ZEB1: variants seen among roughly 807,000 people sequenced by gnomAD.
ZEB1 encodes the protein zinc finger E-box-binding homeobox 1.
ZEB1 carries 21 observed loss-of-function variants against 84.9 expected under a neutral mutation model. The ratio of observed to expected loss-of-function variants is 0.25; its 90% confidence interval spans 0.18 to 0.36. ZEB1 has a LOEUF of 0.36. Ranked by LOEUF, ZEB1 falls within the 10% of genes least tolerant of loss-of-function variation. The pLI, the probability that ZEB1 is intolerant of heterozygous loss-of-function variation, is 1.00. For missense variants in ZEB1, 1,104 were observed against 1,330.2 expected (o/e 0.83, Z 2.65); for synonymous variants, 420 against 471.1 (o/e 0.89, Z 1.41).
chr10:31,490,301 T>A (rs753653445), intron 2 of ZEB1, among the ~76,000 whole-genome samples: 1 of 151,606 alleles, frequency 6.6e-6, no homozygotes, highest in African/African-American at 2.4e-5. Flanking sequence ...CTTTTCCTTC[T>A]GGGACTCCAG....
intron 2 of ZEB1, among the ~76,000 whole-genome samples, chr10:31,463,101 T>C (rs1366987024): frequency 6.6e-6 from 1 of 152,178 alleles, no homozygotes; most frequent in Non-Finnish European, 1.5e-5. Flanking sequence ...GGGTTTCTTA[T>C]GTATTTCTTA....
At chr10:31,490,134 G>T (rs1204033721) in intron 2 of ZEB1, among the ~76,000 whole-genome samples, 4 of 151,248 alleles carry the variant, frequency 2.6e-5, no homozygotes, top group Non-Finnish European at 5.9e-5. Flanking sequence ...TTGATTGATG[G>T]ATTTGAGCCT....
At chr10:31,480,868 A>G (rs139273419) in intron 2 of ZEB1, among the ~76,000 whole-genome samples, 1 of 152,198 alleles carries the variant, frequency 6.6e-6, no homozygotes, top group African/African-American at 2.4e-5. Context: ...TACCTCATTC[A>G]TAATAGTTTT....
intron 1 of ZEB1, among the ~76,000 whole-genome samples, chr10:31,440,319 C>G (rs543996065): frequency 6.6e-6 from 1 of 152,254 alleles, no homozygotes; most frequent in East Asian, 1.9e-4. Flanking sequence ...ATGATTATCT[C>G]AATAGATGCA....
At chr10:31,499,504 A>C (rs1349401345) in intron 3 of ZEB1, among the ~76,000 whole-genome samples, 1 of 152,166 alleles carries the variant, frequency 6.6e-6, no homozygotes, top group Non-Finnish European at 1.5e-5. Flanking sequence ...TCTGTCAGGA[A>C]AAAAAGCATT....
At chr10:31,343,919 A>AATGT (rs1452908558) in intron 1 of ZEB1, among the ~76,000 whole-genome samples, 1 of 152,098 alleles carries the variant, frequency 6.6e-6, no homozygotes, top group Non-Finnish European at 1.5e-5. Flanking sequence ...GAGGAGACTA[A>AATGT]AGCTTGGGGT....
In ZEB1 at chr10:31,496,092, G is replaced by T. The variant is rs532289231; in HGVS notation, c.322+254G>T. On this transcript the variant is annotated intron_variant, in intron 3 of 8. Coordinates refer to ENST00000424869, the MANE Select transcript of ZEB1 (RefSeq NM_001174096.2). ...ATAAGAATGACAAGTATAACCTACAGATAATCCAAAAAATAAGTGTTTGAA... is the reference window on the plus strand; with the variant it reads ...ATAAGAATGACAAGTATAACCTACATATAATCCAAAAAATAAGTGTTTGAA... 5.9e-4 allele frequency among the ~76,000 whole-genome samples: 89 copies of T among 152,126 alleles called. 1 individual carries two copies. The East Asian group carries it at 6.8e-3, about 12-fold the overall frequency.
chr10:31,378,332 AAGTT>A (rs2047048112), intron 1 of ZEB1, among the ~76,000 whole-genome samples: 1 of 151,496 alleles, frequency 6.6e-6, no homozygotes, highest in Non-Finnish European at 1.5e-5. Context: ...TACTCATCAG[AAGTT>A]AGTTGCTGTG....
At chr10:31,450,312 A>C (rs747432799) in intron 1 of ZEB1, among the ~76,000 whole-genome samples, 2 of 151,770 alleles carry the variant, frequency 1.3e-5, no homozygotes, top group Non-Finnish European at 2.9e-5. Context: ...CATGTGTTTC[A>C]TTTGTGTTGC....
intron 1 of ZEB1, chr10:31,355,298 C>T (rs909624921): frequency 1.3e-5 from 2 of 152,100 alleles, no homozygotes; most frequent in Non-Finnish European, 2.9e-5. Flanking sequence ...GTATACTATG[C>T]TGCATTTTCA....
At chr10:31,373,119 T>C in intron 1 of ZEB1, 1 of 985,402 alleles carries the variant, frequency 1.0e-6, no homozygotes, top group Non-Finnish European at 1.2e-6. Context: ...CTGCTTGACA[T>C]AGGAAAGCAC....
At chr10:31,319,090 T>G, upstream of ZEB1, 16 of 581,452 alleles carry the variant, frequency 2.8e-5, no homozygotes, top group Non-Finnish European at 3.2e-5. Flanking sequence ...AGCCTCTAGG[T>G]GTAAGGAAGG....
intron 1 of ZEB1, chr10:31,362,650 G>A: frequency 7.6e-6 from 3 of 393,018 alleles, no homozygotes; most frequent in East Asian, 6.2e-5. Context: ...TGGTGCGGTG[G>A]CCGGGCACAG....
intron 2 of ZEB1, among the ~76,000 whole-genome samples, chr10:31,475,657 A>G (rs776035829): frequency 1.4e-4 from 21 of 152,182 alleles, no homozygotes; most frequent in Non-Finnish European, 2.5e-4. Flanking sequence ...CCTTGAAAAA[A>G]TGTCAGACAT....
chr10:31,447,522 C>G (rs2059940905), intron 1 of ZEB1, among the ~76,000 whole-genome samples: 1 of 133,958 alleles, frequency 7.5e-6, no homozygotes, highest in Non-Finnish European at 1.6e-5. Context: ...ATGGTCTTTA[C>G]ATTTTGGCAT....
intron 1 of ZEB1, among the ~76,000 whole-genome samples, chr10:31,439,367 G>A (rs1240678873): frequency 1.3e-5 from 2 of 152,020 alleles, no homozygotes; most frequent in Non-Finnish European, 2.9e-5. Flanking sequence ...TCAACAGGTC[G>A]GCATTTTAAA....
chr10:31,495,490 A>G (rs887960430), intron 2 of ZEB1, among the ~76,000 whole-genome samples: 3 of 152,102 alleles, frequency 2.0e-5, no homozygotes, highest in Non-Finnish European at 4.4e-5. Context: ...ACACATTACC[A>G]TATTCATAAA....
intron 1 of ZEB1, among the ~76,000 whole-genome samples, chr10:31,438,059 G>A (rs1419475238): frequency 6.6e-6 from 1 of 152,228 alleles, no homozygotes; most frequent in Non-Finnish European, 1.5e-5. Context: ...TTGACTGTGT[G>A]TTTGGGTGTA....
At chr10:31,396,908 T>C (rs2050830116) in intron 1 of ZEB1, among the ~76,000 whole-genome samples, 1 of 152,080 alleles carries the variant, frequency 6.6e-6, no homozygotes, top group Non-Finnish European at 1.5e-5. Context: ...ATGTATTTCT[T>C]TTTCTGGAGG....
Sources: allele counts gnomAD v4.1 joint callset (sites outside exome capture counted in the v4.1 genomes callset), GRCh38; gene constraint gnomAD v4.1.1; transcripts MANE v1.5; gene names NCBI Gene and HGNC (gene_info 2026-07-23, HGNC 2026-07-21).